The following CACNB4 variants were observed in gnomAD, a reference collection of about 807,000 sequenced individuals.
CACNB4 encodes calcium voltage-gated channel auxiliary subunit beta 4, also known as voltage-dependent L-type calcium channel subunit beta-4.
In CACNB4, 32 loss-of-function variants were observed where a neutral mutation model predicts 71.2. The observed-to-expected ratio is 0.45, with a 90% CI of 0.34 to 0.60. The LOEUF (loss-of-function observed/expected upper bound fraction) is 0.60, where lower values mean the gene tolerates loss of function less well. Among genes scored for constraint, CACNB4 ranks in the 20% least tolerant of loss-of-function variants. The pLI is 0.01. For synonymous variants in CACNB4, 231 were observed against 236.9 expected (o/e 0.97, Z 0.23); for missense variants, 464 against 647.9 (o/e 0.72, Z 3.08).
At chr2:151,859,915 G>C (rs1194127364) in intron 10 of CACNB4, 1 of 152,134 alleles carries the variant, frequency 6.6e-6, no homozygotes, top group Non-Finnish European at 1.5e-5. Context: ...ATTATCTATA[G>C]AGCTAATTTC....
At chr2:152,092,847 A>G (rs1688051846) in intron 2 of CACNB4, among the ~76,000 whole-genome samples, 1 of 151,588 alleles carries the variant, frequency 6.6e-6, no homozygotes, top group Non-Finnish European at 1.5e-5. Flanking sequence ...ATATATATAT[A>G]ATGTTTTTTC....
At chr2:152,027,910 A>G (rs2105167602) in intron 2 of CACNB4, among the ~76,000 whole-genome samples, 1 of 148,322 alleles carries the variant, frequency 6.7e-6, no homozygotes, top group East Asian at 2.0e-4. Context: ...CTCTCAAGCC[A>G]TTTTCTAACC....
At chr2:151,993,845 G>T (rs941419288) in intron 2 of CACNB4, among the ~76,000 whole-genome samples, 3 of 150,978 alleles carry the variant, frequency 2.0e-5, no homozygotes, top group Non-Finnish European at 4.4e-5. Flanking sequence ...TTACAGGCGT[G>T]AGCCACTGTG....
chr2:151,878,202 G>A (rs1559918152), intron 4 of CACNB4, among the ~76,000 whole-genome samples: 1 of 150,290 alleles, frequency 6.7e-6, no homozygotes, highest in Non-Finnish European at 1.5e-5. Flanking sequence ...ATGTCTGTGT[G>A]TGTATATATA....
At chr2:151,920,509 T>C (rs890206899) in intron 2 of CACNB4, among the ~76,000 whole-genome samples, 1 of 151,862 alleles carries the variant, frequency 6.6e-6, no homozygotes, top group African/African-American at 2.4e-5. Flanking sequence ...CTCATTTATT[T>C]ATTTATTTGT....
chr2:151,976,049 GC>G (rs1434044901), intron 2 of CACNB4, among the ~76,000 whole-genome samples: 1 of 152,224 alleles, frequency 6.6e-6, no homozygotes, highest in East Asian at 1.9e-4. Flanking sequence ...GTTTTAAAGA[GC>G]AGGGGCGCAC....
At chr2:151,872,556 G>A (rs1469089990) in intron 5 of CACNB4, 63 bp from the exon 6 acceptor site, 11 of 886,744 alleles carry the variant, frequency 1.2e-5, no homozygotes, top group African/African-American at 1.7e-5. Context: ...GAACTTGAGA[G>A]TACAAAGCTT....
At chr2:151,980,682 G>A (rs1047458659) in intron 2 of CACNB4, among the ~76,000 whole-genome samples, 1 of 152,184 alleles carries the variant, frequency 6.6e-6, no homozygotes, top group Non-Finnish European at 1.5e-5. Context: ...CTCACAAAGT[G>A]AAATATGGGT....
chr2:151,888,163 T>A (rs2099849830), intron 2 of CACNB4, among the ~76,000 whole-genome samples: 1 of 152,254 alleles, frequency 6.6e-6, no homozygotes, highest in Non-Finnish European at 1.5e-5. Flanking sequence ...TACCTTGTCC[T>A]TTTAAAACTG....
At chr2:151,937,290 TCTAC>T (rs2099863146) in intron 2 of CACNB4, among the ~76,000 whole-genome samples, 1 of 152,196 alleles carries the variant, frequency 6.6e-6, no homozygotes, top group Non-Finnish European at 1.5e-5. Context: ...AGGGTCAAGC[TCTAC>T]CATTGGTGAA....
chr2:151,898,866 A>G (rs2099852720), intron 2 of CACNB4, among the ~76,000 whole-genome samples: 1 of 152,250 alleles, frequency 6.6e-6, no homozygotes, highest in Non-Finnish European at 1.5e-5. Flanking sequence ...GATGATGGGC[A>G]TAGAGTGAAA....
chr2:151,927,372 CGT>C (rs912890253), intron 2 of CACNB4, among the ~76,000 whole-genome samples: 35 of 152,228 alleles, frequency 2.3e-4, no homozygotes, highest in African/African-American at 8.2e-4. Context: ...GTGGGCCACT[CGT>C]GCAGTTATAG....
At position 152,098,370 on chromosome 2, in the gene CACNB4, G is replaced by T; in HGVS notation, c.107C>A (p.Ser36Tyr). 6.2e-7 allele frequency: 1 copy of T among 1,613,772 alleles called. No homozygotes were observed. The highest frequency in any genetic ancestry group is 8.5e-7 in the Non-Finnish European group (1 of 1,179,708). ...TTTRRSRLKR[S>Y]DGSTTSTSFI... ...GCTGGTCGAAGTGGTGCTGCCATCG[G>T]ATCTTTTCAACCTGCTCCTCCGGGT... The change falls in exon 2 of 14, where the codon TCC (serine) becomes TAC (tyrosine). Residue 36 changes from serine (S) to tyrosine (Y), a missense_variant. Physicochemically the swap from Ser to Tyr is moderately radical, Grantham distance 144. Around this residue, in one of 3 missense-constraint regions of CACNB4, gnomAD observed 50 missense variants for 47.5 expected, o/e 1.05. Transcript: ENST00000539935. This position sits in a 1 kb window ranked among gnomAD's most constrained non-coding sequence, Gnocchi z 5.3.
intron 2 of CACNB4, among the ~76,000 whole-genome samples, chr2:152,075,620 GC>G (rs1384197989): frequency 6.6e-6 from 1 of 152,142 alleles, no homozygotes; most frequent in African/African-American, 2.4e-5. Flanking sequence ...GTTTGACTTG[GC>G]CTGAGAGCCT....
chr2:152,044,379 C>T (rs926844856), intron 2 of CACNB4, among the ~76,000 whole-genome samples: 3 of 152,132 alleles, frequency 2.0e-5, no homozygotes, highest in Non-Finnish European at 4.4e-5. Flanking sequence ...CATCACCATG[C>T]ATGGCTGATT....
At chr2:152,046,792 A>G (rs1247278590) in intron 2 of CACNB4, among the ~76,000 whole-genome samples, 1 of 152,200 alleles carries the variant, frequency 6.6e-6, no homozygotes, top group Non-Finnish European at 1.5e-5. Context: ...AATTCATCAC[A>G]GGGTTATCAT....
chr2:151,994,213 A>G (rs1272695891), intron 2 of CACNB4, among the ~76,000 whole-genome samples: 5 of 151,630 alleles, frequency 3.3e-5, no homozygotes, highest in Non-Finnish European at 7.4e-5. Context: ...TCCTGTCTGG[A>G]ATCCAGAAAA....
intron 2 of CACNB4, among the ~76,000 whole-genome samples, chr2:152,058,205 T>A (rs58491104): frequency 0.24 from 36,291 of 151,926 alleles, 5,411 homozygotes; most frequent in East Asian, 0.76. Flanking sequence ...CCTTTATAAA[T>A]TACCCAGTCT....
chr2:151,904,824 C>T (rs1206212236), intron 2 of CACNB4, among the ~76,000 whole-genome samples: 2 of 152,124 alleles, frequency 1.3e-5, no homozygotes, highest in African/African-American at 2.4e-5. Context: ...CAGGAGTTAC[C>T]GCGCCCAGCT....
Sources: gnomAD v4.1 joint callset for allele counts (sites outside exome capture counted in the v4.1 genomes callset) on GRCh38, gnomAD v4.1.1 for gene constraint, gnomAD v4.1.1 regional missense constraint, Gnocchi (gnomAD v3.1) non-coding constraint, MANE v1.5 for transcripts, NCBI Gene and HGNC (gene_info 2026-07-23, HGNC 2026-07-21) for gene names.